The following ADAMTSL1 variants were observed in gnomAD, a reference collection of about 807,000 sequenced individuals.
ADAMTSL1 encodes the protein ADAMTS like 1.
A neutral mutation model predicts 201.8 loss-of-function variants in ADAMTSL1; 126 were observed. The observed-to-expected ratio is 0.62, with a 90% CI of 0.54 to 0.72. The LOEUF (loss-of-function observed/expected upper bound fraction) is 0.72. ADAMTSL1 is among the 30% of genes least tolerant of loss of function. ADAMTSL1 has a pLI of 0.00. For missense variants in ADAMTSL1, 2,679 were observed against 2,277.8 expected, an observed-to-expected ratio of 1.18 and a Z score of -3.59; for synonymous variants, 1,121 against 903.4, an observed-to-expected ratio of 1.24 and a Z score of -4.32.
chr9:18,616,205 A>T (rs1415088188), intron 4 of ADAMTSL1, among the ~76,000 whole-genome samples: 1 of 152,110 alleles, frequency 6.6e-6, no homozygotes, highest in African/African-American at 2.4e-5. Flanking sequence ...TTATATTTTT[A>T]GTAGGGATGG....
In ADAMTSL1 at chr9:17,912,776, A is replaced by T. The variant is rs1825936578; in HGVS notation, c.87+5854A>T. Among the ~76,000 whole-genome samples, 14 of 72,358 alleles carry T rather than the reference A, an allele frequency of 1.9e-4. 3 individuals carry two copies. In the South Asian group the frequency reaches 0.012, roughly 60 times the overall value. The allele number at this position is 72,358 out of a possible 152,430, so 47.5% of individuals were successfully genotyped here. ...AGTCTTTGCCCATGCCTATGTCCTG[A>T]ATGGTAAAGCCTAGGTTTTCTTCTA... On this transcript the variant is annotated intron_variant, in intron 1 of 29. Transcript: ENST00000680146.
At chr9:18,037,561 A>G (rs1821254150) in intron 1 of ADAMTSL1, among the ~76,000 whole-genome samples, 1 of 152,214 alleles carries the variant, frequency 6.6e-6, no homozygotes, top group African/African-American at 2.4e-5. Flanking sequence ...AAGTATTTCA[A>G]AACTATGAAA....
At chr9:18,153,933 C>T (rs1231459092) in intron 1 of ADAMTSL1, among the ~76,000 whole-genome samples, 1 of 151,952 alleles carries the variant, frequency 6.6e-6, no homozygotes, top group African/African-American at 2.4e-5. Context: ...GTTTTCTACC[C>T]TAAAGGCAAA....
Position 18,218,720 on chromosome 9 carries a change from T to A in ADAMTSL1, c.207+54739T>A, listed in dbSNP as rs368695576. On this transcript the variant is annotated intron_variant, in intron 2 of 29. Coordinates refer to the ADAMTSL1 transcript ENST00000680146. Reference sequence around the variant, plus strand: ...ATCTTTCAGGGTGTGGCTTATTTTTTATTTATGTTTTTGGAGCCTCTTCTT... The same window carrying A: ...ATCTTTCAGGGTGTGGCTTATTTTTAATTTATGTTTTTGGAGCCTCTTCTT... 3.3e-4 allele frequency among the ~76,000 whole-genome samples: 50 copies of A among 151,796 alleles called. No individual in the cohort carries two copies. The South Asian group carries it at 0.01, about 31-fold the overall frequency.
intron 1 of ADAMTSL1, among the ~76,000 whole-genome samples, chr9:18,123,637 C>T (rs1825601677): frequency 6.6e-6 from 1 of 152,004 alleles, no homozygotes; most frequent in African/African-American, 2.4e-5. Context: ...ATAAGATTTC[C>T]CTATTGTAAA....
At chr9:18,376,111 G>A (rs1837285402) in intron 2 of ADAMTSL1, among the ~76,000 whole-genome samples, 1 of 152,166 alleles carries the variant, frequency 6.6e-6, no homozygotes, top group African/African-American at 2.4e-5. Context: ...TTCTGTTCCA[G>A]AAATAATATT....
chr9:18,201,857 T>C (rs796636742), intron 2 of ADAMTSL1, among the ~76,000 whole-genome samples: 2 of 152,164 alleles, frequency 1.3e-5, no homozygotes, highest in South Asian at 4.1e-4. Context: ...AATGCCTATA[T>C]CATTGTTTTG....
intron 3 of ADAMTSL1, among the ~76,000 whole-genome samples, chr9:18,557,823 A>G (rs1454626717): frequency 6.6e-6 from 1 of 151,986 alleles, no homozygotes; most frequent in Non-Finnish European, 1.5e-5. Flanking sequence ...CAATCTATCA[A>G]TCTCACCCTT....
intron 13 of ADAMTSL1, among the ~76,000 whole-genome samples, chr9:18,699,182 A>C (rs898588255): frequency 5.9e-5 from 9 of 152,240 alleles, no homozygotes; most frequent in African/African-American, 2.2e-4. Context: ...TTCTGCAAGA[A>C]AGACATTCAG....
In ADAMTSL1 at chr9:18,649,296, T is replaced by G. The variant is rs548632259; in HGVS notation, c.835-8343T>G. Reference sequence around the variant, plus strand: ...TTCTAGTTATACATTTGTCTAAATTTTTTTCAAAGTTTTCAACTTCTTTGC... The same window carrying G: ...TTCTAGTTATACATTTGTCTAAATTGTTTTCAAAGTTTTCAACTTCTTTGC... On this transcript the variant is annotated intron_variant, in intron 7 of 28. Coordinates refer to ENST00000380548, the MANE Select transcript of ADAMTSL1 (RefSeq NM_001040272.6). Among the ~76,000 whole-genome samples the G allele has an allele frequency of 2.0e-5, 3 of 152,022 alleles. No homozygotes were observed. The East Asian group carries it at 5.8e-4, about 29-fold the overall frequency.
intron 6 of ADAMTSL1, among the ~76,000 whole-genome samples, chr9:18,638,251 C>A (rs547892010): frequency 9.9e-5 from 15 of 152,114 alleles, no homozygotes; most frequent in Admixed American, 3.3e-4. Flanking sequence ...TACAAGTAGA[C>A]CCCCTCTACA....
intron 13 of ADAMTSL1, among the ~76,000 whole-genome samples, chr9:18,685,147 C>G (rs2133202190): frequency 6.6e-6 from 1 of 152,342 alleles, no homozygotes; most frequent in South Asian, 2.1e-4. Context: ...GTCTGAGCTG[C>G]TTTTCACACT....
chr9:18,206,899 C>T (rs961598785), intron 2 of ADAMTSL1, among the ~76,000 whole-genome samples: 1 of 152,024 alleles, frequency 6.6e-6, no homozygotes, highest in African/African-American at 2.4e-5. Context: ...CACGGTGGCT[C>T]ACATCTGCTA....
At chr9:18,773,083 G>T (rs1397028545) in intron 17 of ADAMTSL1, among the ~76,000 whole-genome samples, 1 of 152,178 alleles carries the variant, frequency 6.6e-6, no homozygotes, top group Admixed American at 6.5e-5. Context: ...TGGCCGTCTG[G>T]CTGAGATGAG....
chr9:17,907,230 G>C (rs1013319651), intron 1 of ADAMTSL1, among the ~76,000 whole-genome samples: 96 of 152,268 alleles, frequency 6.3e-4, no homozygotes, highest in Admixed American at 2.1e-3. Flanking sequence ...CCTGAGCTGG[G>C]GAGCTGTCAT....
chr9:17,995,056 A>G (rs1819316127), intron 1 of ADAMTSL1, among the ~76,000 whole-genome samples: 1 of 152,160 alleles, frequency 6.6e-6, no homozygotes, highest in Non-Finnish European at 1.5e-5. Context: ...GTGGCTTAGC[A>G]CTACCTAGGG....
chr9:18,167,142 C>T (rs1057323439), intron 2 of ADAMTSL1, among the ~76,000 whole-genome samples: 5 of 151,806 alleles, frequency 3.3e-5, no homozygotes, highest in African/African-American at 7.3e-5. Flanking sequence ...CGCTTTTATT[C>T]GTTATTGAAA....
chr9:18,707,322 G>A (rs1028327549), intron 14 of ADAMTSL1, among the ~76,000 whole-genome samples: 1 of 152,212 alleles, frequency 6.6e-6, no homozygotes, highest in Non-Finnish European at 1.5e-5. Context: ...ATATCATCGT[G>A]TATCTGGCTG....
At chr9:18,192,605 C>A (rs984503516) in intron 2 of ADAMTSL1, among the ~76,000 whole-genome samples, 27 of 152,194 alleles carry the variant, frequency 1.8e-4, no homozygotes, top group African/African-American at 6.3e-4. Flanking sequence ...GGTACTGAAC[C>A]ATGATTTTTG....
Sources: allele counts gnomAD v4.1 joint callset (sites outside exome capture counted in the v4.1 genomes callset), GRCh38; gene constraint gnomAD v4.1.1; transcripts MANE v1.5; gene names NCBI Gene and HGNC (gene_info 2026-07-23, HGNC 2026-07-21).